The following EYS variants were observed in gnomAD, a reference collection of about 807,000 sequenced individuals.
EYS encodes the protein EGF-like photoreceptor maintenance factor.
EYS carries 250 observed loss-of-function variants against 282.1 expected under a neutral mutation model. The ratio of observed to expected loss-of-function variants is 0.89; its 90% CI spans 0.80 to 0.98. EYS has a LOEUF of 0.98. Among genes scored for constraint, EYS ranks in the 50% least tolerant of loss-of-function variants. The pLI is 0.00. For synonymous variants in EYS, 1,355 were observed against 1,282.9 expected, an observed-to-expected ratio of 1.06 and a Z score of -1.20; for missense variants, 4,016 against 3,709.0, an observed-to-expected ratio of 1.08 and a Z score of -2.15.
intron 22 of EYS, among the ~76,000 whole-genome samples, chr6:64,771,181 A>G (rs1171094179): frequency 1.3e-5 from 2 of 151,542 alleles, no homozygotes; most frequent in Admixed American, 1.3e-4. Flanking sequence ...TTGCTATATT[A>G]TTGTATATAG....
At chr6:64,009,833 T>C (rs1768523450) in intron 33 of EYS, among the ~76,000 whole-genome samples, 1 of 152,162 alleles carries the variant, frequency 6.6e-6, no homozygotes, top group African/African-American at 2.4e-5. Context: ...TTCTTGCGCT[T>C]GTTCTTTCTC....
intron 31 of EYS, among the ~76,000 whole-genome samples, chr6:64,178,850 G>T (rs1461563409): frequency 6.6e-6 from 1 of 151,942 alleles, no homozygotes; most frequent in Admixed American, 6.6e-5. Context: ...ATTACCAGGA[G>T]ACCTAAATTT....
intron 8 of EYS, among the ~76,000 whole-genome samples, chr6:65,356,246 C>A (rs1431685151): frequency 1.3e-5 from 2 of 151,984 alleles, no homozygotes; most frequent in Non-Finnish European, 2.9e-5. Context: ...CGAATTAAGT[C>A]CTGTCTAAGG....
At chr6:63,723,037 G>C (rs929468947) in intron 42 of EYS, among the ~76,000 whole-genome samples, 3 of 152,098 alleles carry the variant, frequency 2.0e-5, no homozygotes. Flanking sequence ...CACCCAAAAC[G>C]GTATCTGGCC....
intron 22 of EYS, among the ~76,000 whole-genome samples, chr6:64,704,178 C>A (rs1027325361): frequency 6.6e-6 from 1 of 151,332 alleles, no homozygotes; most frequent in African/African-American, 2.4e-5. Context: ...AATGTGTTTG[C>A]ACTAATGGAA....
intron 35 of EYS, among the ~76,000 whole-genome samples, chr6:63,976,626 CT>C (rs1766847952): frequency 1.3e-5 from 2 of 152,006 alleles, no homozygotes. Context: ...AAAGCTCAGT[CT>C]CTTGAATTCT....
At chr6:64,917,530 T>C (rs1387047488) in intron 15 of EYS, among the ~76,000 whole-genome samples, 1 of 152,138 alleles carries the variant, frequency 6.6e-6, no homozygotes, top group Admixed American at 6.5e-5. Flanking sequence ...CAGTAAAATG[T>C]TGTTTATCAG....
intron 31 of EYS, among the ~76,000 whole-genome samples, chr6:64,169,091 T>C (rs1011311051): frequency 1.3e-5 from 2 of 152,182 alleles, no homozygotes; most frequent in Non-Finnish European, 2.9e-5. Context: ...CCTCCTTAGA[T>C]TTGTGAGCTC....
intron 22 of EYS, among the ~76,000 whole-genome samples, chr6:64,687,979 C>T (rs562551684): frequency 6.6e-6 from 1 of 152,152 alleles, no homozygotes; most frequent in Non-Finnish European, 1.5e-5. Context: ...AGGAATTTAT[C>T]AATTTCTTCT....
At chr6:65,532,416 T>G (rs951239281) in intron 2 of EYS, among the ~76,000 whole-genome samples, 1 of 152,180 alleles carries the variant, frequency 6.6e-6, no homozygotes, top group Non-Finnish European at 1.5e-5. Flanking sequence ...TGTTCTGCCA[T>G]GGGCTGGTGA....
chr6:64,891,069 G>C (rs537265420), intron 18 of EYS, among the ~76,000 whole-genome samples: 6 of 151,720 alleles, frequency 4.0e-5, no homozygotes, highest in Admixed American at 2.6e-4. Flanking sequence ...TGGAATGTTG[G>C]GGGTCCCTGC....
chr6:64,863,958 T>C (rs1317914759), intron 19 of EYS, among the ~76,000 whole-genome samples: 3 of 152,232 alleles, frequency 2.0e-5, no homozygotes, highest in African/African-American at 7.2e-5. Context: ...TCTGTATGGA[T>C]TCTAATTCCC....
intron 26 of EYS, among the ~76,000 whole-genome samples, chr6:64,511,574 G>C (rs947228874): frequency 2.0e-5 from 3 of 151,966 alleles, no homozygotes; most frequent in African/African-American, 7.3e-5. Flanking sequence ...CCACTGAGTA[G>C]AGATGGAAGG....
intron 1 of EYS, among the ~76,000 whole-genome samples, chr6:65,655,186 A>G (rs2149821738): frequency 6.6e-6 from 1 of 151,778 alleles, no homozygotes; most frequent in East Asian, 1.9e-4. Context: ...TCAGTATTAG[A>G]AAAATTCCAA....
chr6:65,388,779 TC>T (rs1295787835), intron 7 of EYS, among the ~76,000 whole-genome samples: 2 of 152,108 alleles, frequency 1.3e-5, no homozygotes, highest in African/African-American at 2.4e-5. Flanking sequence ...ACATATATAT[TC>T]TTTTTTGTGG....
chr6:64,569,577 T>C (rs1422010517), intron 26 of EYS, among the ~76,000 whole-genome samples: 1 of 151,606 alleles, frequency 6.6e-6, no homozygotes, highest in Non-Finnish European at 1.5e-5. Context: ...CCGTCTCCAC[T>C]AAAAATACAA....
At chr6:64,558,239 TC>T (rs1444485859) in intron 26 of EYS, among the ~76,000 whole-genome samples, 3 of 151,590 alleles carry the variant, frequency 2.0e-5, no homozygotes, top group African/African-American at 7.3e-5. Context: ...TCATGAGCAT[TC>T]TGCTTTACAA....
At chr6:64,398,129 GA>G (rs1773434284) in intron 28 of EYS, among the ~76,000 whole-genome samples, 1 of 151,856 alleles carries the variant, frequency 6.6e-6, no homozygotes, top group African/African-American at 2.4e-5. Flanking sequence ...ATTGAAGGTA[GA>G]TGCCAGGAAA....
chr6:63,788,857 C>A (rs1770435753), intron 38 of EYS, among the ~76,000 whole-genome samples: 1 of 152,176 alleles, frequency 6.6e-6, no homozygotes. Flanking sequence ...TCTCTCTCAC[C>A]CTTATCTGTG....
Sources: gnomAD v4.1 joint callset for allele counts (sites outside exome capture counted in the v4.1 genomes callset) on GRCh38, gnomAD v4.1.1 for gene constraint, MANE v1.5 for transcripts, NCBI Gene and HGNC (gene_info 2026-07-23, HGNC 2026-07-21) for gene names.